Variants in CCM2L observed in about 807,000 individuals in gnomAD.
CCM2L encodes CCM2 like scaffold protein, also known as cerebral cavernous malformations 2 protein-like.
CCM2L carries 36 observed loss-of-function variants against 54.1 expected under a neutral mutation model. That is an observed-to-expected ratio of 0.67 (90% CI 0.51 to 0.88). The LOEUF is 0.88. Among genes scored for constraint, CCM2L ranks in the 40% least tolerant of loss-of-function variants. CCM2L has a pLI of 0.00. For missense variants in CCM2L, 700 were observed against 812.1 expected (o/e 0.86, Z 1.68); for synonymous variants, 351 against 359.3 (o/e 0.98, Z 0.26).
In CCM2L at chr20:32,019,053, G is replaced by A; in HGVS notation, c.577G>A (p.Glu193Lys). The A allele has an allele frequency of 1.5e-6, 2 of 1,296,422 alleles. No individual in the cohort carries two copies. Among genetic ancestry groups the A allele is most frequent in the Non-Finnish European group, 1.9e-6 (2 of 1,028,964 alleles). 80.3% of individuals were successfully genotyped at this position (1,296,422 alleles called of 1,614,324 possible). Residue 193 changes from glutamate (E) to lysine (K), a missense_variant, in exon 5 of 10, where the codon GAG becomes AAG. Physicochemically the swap from Glu to Lys is moderately conservative, Grantham distance 56. Transcript: ENST00000452892. ...CGAGAAGCGGCGGGTGGGCACCGCG[G>A]AGCGGCGCCACACCATCTGCAGCCT... ...APEKRRVGTAERRHTICSLDW... is the reference protein window; with the variant it reads ...APEKRRVGTAKRRHTICSLDW...
At position 32,019,134 on chromosome 20, in the gene CCM2L, G is replaced by T. The variant is rs1291141250; in HGVS notation, c.658G>T (p.Gly220Cys). The T allele has an allele frequency of 1.6e-5, 18 of 1,142,236 alleles. No individual in the cohort carries two copies. Among genetic ancestry groups the T allele is most frequent in the Non-Finnish European group, 1.9e-5 (18 of 929,174 alleles). The allele number at this position is 1,142,236 out of a possible 1,614,324, so 70.8% of individuals were successfully genotyped here. ...CGCGGAGGCCCGGGCCGGGGGAGGC[G>T]GCGGCGGCAGCTTGGAGCGCCAGCG... ...GAAEARAGGGGGGSLERQRAG... is the reference protein window; with the variant it reads ...GAAEARAGGGCGGSLERQRAG... The change falls in exon 5 of 10, where the codon GGC becomes TGC. Residue 220 changes from glycine to cysteine, a missense_variant. Coordinates refer to ENST00000452892, the MANE Select transcript of CCM2L (RefSeq NM_001365692.1).
chr20:32,010,560 T>TGGGGGGGGAAAAGGGGGGGGGGGGG, intron 1 of CCM2L, 76 bp downstream of exon 1: 1 of 105,750 alleles, frequency 9.5e-6, no homozygotes, highest in Non-Finnish European at 1.8e-5. Context: ...TGGGGCGGGG[T>TGGGGGGGGAAAAGGGGGGGGGGGGG]GGGGGGTCGG....
chr20:32,014,980 GC>G lies in CCM2L; in HGVS notation c.109del (p.Arg37GlyfsTer38). 6.3e-7 allele frequency: 1 copy of G among 1,589,010 alleles called. No individual in the cohort carries two copies. The highest frequency in any genetic ancestry group is 8.6e-7 in the Non-Finnish European group (1 of 1,169,082). On this transcript the variant is annotated frameshift_variant, in exon 2 of 10. Transcript: ENST00000452892. LOFTEE classifies it high-confidence loss of function. ...GCAGCCTGTAGGAGCAGCGTGAGCC[GC>G]CGGCCCCTGCACTCGATGCCCCTTT... ...RRAACRSSVS[R>X]RPLHSMPLYP...
intron 8 of CCM2L, 34 bp downstream of exon 8, chr20:32,029,158 C>A (rs552420785): frequency 6.2e-7 from 1 of 1,613,796 alleles, no homozygotes. Context: ...ATGGCACAAG[C>A]AAAAGCCTGG....
At chr20:32,026,465 CTT>C (rs1324605783) in intron 7 of CCM2L, among the ~76,000 whole-genome samples, 1 of 152,122 alleles carries the variant, frequency 6.6e-6, no homozygotes. Context: ...TAAGGGGCCT[CTT>C]TAAAGAGTTT....
rs943202646 is a variant in CCM2L at position 32,031,478 on chromosome 20, T to C, written c.*164T>C. The C allele has an allele frequency of 3.7e-5, 17 of 455,546 alleles. No individual in the cohort carries two copies. The highest frequency in any genetic ancestry group is 5.0e-5 in the Non-Finnish European group (14 of 281,892). The allele number at this position is 455,546 out of a possible 1,614,324, so 28.2% of individuals were successfully genotyped here. ...TTGGGGCCCGGGGCCATGCAGTACC[T>C]GGAGTGTCCTGCAGGGGGAAAGCGA... On this transcript the variant is annotated 3_prime_UTR_variant, in exon 10 of 10. Transcript: ENST00000452892.
Position 32,018,017 on chromosome 20 carries a change from G to A in CCM2L, c.321G>A (p.Gln107=). ...KELPLKTTAE[Q]DSILSLSARC... is the part of the protein sequence containing the mutation. ...TGCCGCTGAAGACCACGGCGGAGCA[G>A]GACAGCATCCTGAGCCTGTCTGCCC... is the stretch of plus-strand genomic sequence containing the variant. The change falls in exon 4 of 10, where the codon CAG becomes CAA. Residue 107 remains glutamine (Q), a synonymous_variant. Transcript: ENST00000452892. 1 of 1,613,844 alleles carries A rather than the reference G, an allele frequency of 6.2e-7. No individual in the cohort carries two copies. Among genetic ancestry groups the A allele is most frequent in the Non-Finnish European group, 8.5e-7 (1 of 1,180,002 alleles).
At chr20:32,019,718 C>T (rs2064785398) in intron 5 of CCM2L, among the ~76,000 whole-genome samples, 1 of 152,188 alleles carries the variant, frequency 6.6e-6, no homozygotes, top group African/African-American at 2.4e-5. Context: ...TAATCACCAG[C>T]GTGAATCTAG....
chr20:32,029,037 G>A lies in CCM2L; in HGVS notation c.1176G>A (p.Thr392=), dbSNP rs755617357. Residue 392 remains threonine, a synonymous_variant, in exon 8 of 10, where the codon ACG becomes ACA. Transcript: ENST00000452892. The part of the protein sequence containing the change: ...QDTFEACYSG[T]STPSFHGSHC... ...CCTTTGAAGCATGTTACAGCGGCAC[G>A]TCCACACCTTCTTTCCATGGCTCCC... 3.0e-5 allele frequency: 49 copies of A among 1,613,988 alleles called. No homozygotes were observed. Among genetic ancestry groups the A allele is most frequent in the African/African-American group, 8.0e-5 (6 of 74,926 alleles).
At chr20:32,026,212 A>T (rs182006920) in intron 7 of CCM2L, among the ~76,000 whole-genome samples, 14 of 152,338 alleles carry the variant, frequency 9.2e-5, no homozygotes, top group African/African-American at 3.1e-4. Flanking sequence ...ATGCCAAAAA[A>T]ATTATCTTGG....
Position 32,031,235 on chromosome 20 carries a change from C to CCGATGA in CCM2L, c.1641_1646dup (p.Asp551_Asp552dup), listed in dbSNP as rs1252822441. On this transcript the variant is annotated inframe_insertion, in exon 10 of 10. Transcript: ENST00000452892. ...ACGCACGACATCGAGGCGCTGGCCC[C>CCGATGA]CGATGACGACGACGACGACGAGGAT... The CCGATGA allele has an allele frequency of 7.7e-7, 1 of 1,298,542 alleles. No homozygotes were observed. The highest frequency in any genetic ancestry group is 2.3e-5 in the Admixed American group (1 of 43,400). 80.4% of individuals were successfully genotyped at this position (1,298,542 alleles called of 1,614,324 possible). A position where few individuals can be genotyped will look rare whatever the true frequency, so the allele number is the denominator to read the frequency against.
chr20:32,011,262 T>A (rs1409822496), intron 1 of CCM2L, among the ~76,000 whole-genome samples: 1 of 152,218 alleles, frequency 6.6e-6, no homozygotes, highest in Non-Finnish European at 1.5e-5. Flanking sequence ...GAGTGCCTAT[T>A]ATGCACCAGG....
intron 4 of CCM2L, 95 bp from the exon 5 acceptor site, chr20:32,018,848 A>G (rs956002055): frequency 2.5e-6 from 3 of 1,204,066 alleles, no homozygotes; most frequent in Non-Finnish European, 3.1e-6. Context: ...GTGGAACCCC[A>G]GAGCCGCGAG....
At chr20:32,013,693 T>C (rs530688434) in intron 1 of CCM2L, among the ~76,000 whole-genome samples, 125 of 152,136 alleles carry the variant, frequency 8.2e-4, no homozygotes, top group Non-Finnish European at 1.0e-3. Context: ...CCAGCTCTCC[T>C]CCTGCCTCAG....
At chr20:32,019,874 C>T (rs543574504) in intron 5 of CCM2L, among the ~76,000 whole-genome samples, 1 of 152,298 alleles carries the variant, frequency 6.6e-6, no homozygotes, top group South Asian at 2.1e-4. Context: ...CAAGGTCACA[C>T]AGGAAGCACG....
At chr20:32,013,624 A>G (rs1431853081) in intron 1 of CCM2L, among the ~76,000 whole-genome samples, 1 of 150,644 alleles carries the variant, frequency 6.6e-6, no homozygotes, top group Non-Finnish European at 1.5e-5. Context: ...TTTTTTTGGC[A>G]TATTTTTTGT....
chr20:32,031,060 G>T lies in CCM2L; in HGVS notation c.1462G>T (p.Val488Leu), dbSNP rs539753399. The T allele has an allele frequency of 5.4e-6, 7 of 1,304,242 alleles. No homozygotes were observed. In the African/African-American group the frequency reaches 7.6e-5, roughly 14 times the overall value. 80.8% of individuals were successfully genotyped at this position (1,304,242 alleles called of 1,614,324 possible). A position where few individuals can be genotyped will look rare whatever the true frequency, so the allele number is the denominator to read the frequency against. Reference sequence around the variant, plus strand: ...CTACTTCGAGGGCTTCCTGGAGGGCGTGGGCATCCGCGAGGGCGGCATCCT... The same window carrying T: ...CTACTTCGAGGGCTTCCTGGAGGGCTTGGGCATCCGCGAGGGCGGCATCCT... ...IGYFEGFLEG[V>L]GIREGGILTD... Residue 488 changes from valine to leucine, a missense_variant, in exon 10 of 10, where the codon GTG becomes TTG. Val to Leu is a conservative substitution (Grantham distance 32, BLOSUM62 1). Transcript: ENST00000452892.
chr20:32,010,566 G>A lies in CCM2L; in HGVS notation c.30+82G>A. 3.0e-6 allele frequency: 3 copies of A among 984,666 alleles called. 1 individual carries two copies. Among genetic ancestry groups the A allele is most frequent in the Non-Finnish European group, 4.6e-6 (3 of 648,830 alleles). 61.0% of individuals were successfully genotyped at this position (984,666 alleles called of 1,614,324 possible). A position where few individuals can be genotyped will look rare whatever the true frequency, so the allele number is the denominator to read the frequency against. The stretch of plus-strand genomic sequence containing the variant: ...GGGGCAAACTGGGGCGGGGTGGGGG[G>A]TCGGTAGCGAGGGGCATAAGTGGAG... On this transcript the variant is annotated intron_variant, in intron 1 of 9. Transcript: ENST00000452892.
In CCM2L at chr20:32,026,604, G is replaced by A. The variant is rs527388707; in HGVS notation, c.1133+685G>A. 7.7e-4 allele frequency among the ~76,000 whole-genome samples: 117 copies of A among 152,296 alleles called. 2 individuals are homozygous for A. Among genetic ancestry groups the A allele is most frequent in the African/African-American group, 2.6e-3 (110 of 41,568 alleles). On this transcript the variant is annotated intron_variant, in intron 7 of 9. Coordinates refer to ENST00000452892, the MANE Select transcript of CCM2L (RefSeq NM_001365692.1). The stretch of plus-strand genomic sequence containing the variant: ...AAAAAATATATTTCAGGCTAGATGC[G>A]GTGGCTCGCACCTGTAATCCCAACA...
Sources: allele counts gnomAD v4.1 joint callset (sites outside exome capture counted in the v4.1 genomes callset), GRCh38; gene constraint gnomAD v4.1.1; transcripts MANE v1.5; gene names NCBI Gene and HGNC (gene_info 2026-07-23, HGNC 2026-07-21).